EFCAB10: variants seen among roughly 807,000 people sequenced by gnomAD.
EFCAB10 encodes EF-hand calcium-binding domain-containing protein 10.
Under a neutral mutation model 7.7 loss-of-function variants are expected in EFCAB10, and 7 were observed. That is an observed-to-expected ratio of 0.91 (90% CI 0.52 to 1.72). The LOEUF is 1.72. EFCAB10 is among the 40% of genes most tolerant of loss of function. The pLI is 0.00. For synonymous variants in EFCAB10, 52 were observed against 21.0 expected, an observed-to-expected ratio of 2.47 and a Z score of -4.03; for missense variants, 112 against 61.5, an observed-to-expected ratio of 1.82 and a Z score of -2.74.
chr7:105,570,813 G>A (rs891527165), intron 1 of EFCAB10, among the ~76,000 whole-genome samples: 1 of 152,024 alleles, frequency 6.6e-6, no homozygotes, highest in Non-Finnish European at 1.5e-5. Context: ...TCATGAGGTC[G>A]GGAGATCGAG....
rs1461172495 is a variant in EFCAB10, at chr7:105,581,469, C to A, written c.-6G>T. The A allele has an allele frequency of 1.4e-6, 1 of 703,040 alleles. No individual in the cohort carries two copies. The highest frequency in any genetic ancestry group is 2.0e-5 in the Admixed American group (1 of 50,006). The allele number at this position is 703,040 out of a possible 1,614,324, so 43.6% of individuals were successfully genotyped here. ...TCCCTGCTGCTGGTCTCCATCGCTC[C>A]GCGTCCCGCTGTTGCTAGGCGACTG... On this transcript the variant is annotated 5_prime_UTR_variant, in exon 1 of 5. Coordinates refer to ENST00000480514, the MANE Select transcript of EFCAB10 (RefSeq NM_001355526.2).
intron 3 of EFCAB10, 108 bp from the exon 4 acceptor site, chr7:105,567,598 A>G: frequency 1.7e-6 from 1 of 575,464 alleles, no homozygotes; most frequent in Non-Finnish European, 3.1e-6. Flanking sequence ...AATTATAACC[A>G]ACTTTCAATT....
intron 4 of EFCAB10, chr7:105,567,123 A>G (rs750240250): frequency 6.4e-7 from 1 of 1,557,956 alleles, no homozygotes; most frequent in Non-Finnish European, 8.6e-7. Flanking sequence ...AAACAGTATA[A>G]AAGAAGCCTG....
Position 105,581,414 on chromosome 7 carries a change from T to C in EFCAB10, c.50A>G (p.His17Arg). ...ELQAAEYLEK[H>R]QIKEVVSYLT... ...GTAGCTAACCACCTCCTTGATCTGA[T>C]GCTTTTCCAAATACTCCGCGGCTTG... Residue 17 changes from histidine to arginine, a missense_variant, in exon 1 of 5, where the codon CAT becomes CGT. Transcript: ENST00000480514. 1.4e-6 allele frequency: 1 copy of C among 703,098 alleles called. No individual in the cohort carries two copies. The highest frequency in any genetic ancestry group is 2.6e-6 in the Non-Finnish European group (1 of 385,002). The allele number at this position is 703,098 out of a possible 1,614,324, so 43.6% of individuals were successfully genotyped here.
intron 1 of EFCAB10, among the ~76,000 whole-genome samples, chr7:105,581,045 C>T (rs2115594905): frequency 6.6e-6 from 1 of 152,264 alleles, no homozygotes. Flanking sequence ...CATGACGAAA[C>T]CCTGTCGCTA....
At chr7:105,575,113 C>G (rs775117544) in intron 1 of EFCAB10, among the ~76,000 whole-genome samples, 43 of 134,108 alleles carry the variant, frequency 3.2e-4, no homozygotes, top group Non-Finnish European at 1.1e-4. Flanking sequence ...GAAACTCTGT[C>G]TCAAAAAAAA....
chr7:105,565,659 C>A, intron 4 of EFCAB10: 2 of 1,494,594 alleles, frequency 1.3e-6, no homozygotes, highest in Non-Finnish European at 1.9e-6. Flanking sequence ...GTAAGCTCAA[C>A]ATTTAACAAT....
intron 1 of EFCAB10, among the ~76,000 whole-genome samples, chr7:105,570,031 T>G (rs1791895731): frequency 6.6e-6 from 1 of 150,660 alleles, no homozygotes; most frequent in South Asian, 2.1e-4. Flanking sequence ...GAGACCAGCC[T>G]GACCAACATG....
chr7:105,568,117 T>G (rs1035692815), intron 3 of EFCAB10, among the ~76,000 whole-genome samples: 12 of 152,226 alleles, frequency 7.9e-5, no homozygotes, highest in African/African-American at 2.2e-4. Context: ...GGGCAACCCT[T>G]TCTTTCTGGA....
chr7:105,569,898 G>A (rs1791892208), intron 1 of EFCAB10, among the ~76,000 whole-genome samples: 1 of 151,988 alleles, frequency 6.6e-6, no homozygotes, highest in Admixed American at 6.6e-5. Flanking sequence ...ATAATACAGG[G>A]AAGAAGTTGG....
At chr7:105,568,953 G>GAAAA (rs55730992) in intron 3 of EFCAB10, among the ~76,000 whole-genome samples, 4 of 121,776 alleles carry the variant, frequency 3.3e-5, no homozygotes, top group Admixed American at 8.7e-5. Context: ...CCATCTCAGG[G>GAAAA]AAAAAAAAAA....
chr7:105,567,301 C>G, intron 4 of EFCAB10, 166 bp downstream of exon 4: 1 of 1,592,006 alleles, frequency 6.3e-7, no homozygotes, highest in Non-Finnish European at 8.5e-7. Flanking sequence ...TGGCCTAATA[C>G]TGGAAAATAA....
At chr7:105,572,027 A>G (rs940883178) in intron 1 of EFCAB10, 4 of 152,202 alleles carry the variant, frequency 2.6e-5, no homozygotes, top group Non-Finnish European at 4.4e-5. Context: ...CCATTTTTCC[A>G]TGAACTTTTT....
intron 1 of EFCAB10, among the ~76,000 whole-genome samples, chr7:105,577,052 T>TA (rs113658971): frequency 0.23 from 33,021 of 144,562 alleles, 3,726 homozygotes; most frequent in South Asian, 0.3. Context: ...AACTCCGTCT[T>TA]AAAAAAAAAA....
intron 4 of EFCAB10, among the ~76,000 whole-genome samples, chr7:105,566,163 A>T (rs1214881688): frequency 2.0e-5 from 3 of 151,236 alleles, no homozygotes; most frequent in Non-Finnish European, 4.4e-5. Flanking sequence ...CTGTAGTCCC[A>T]CCTGCTTGGG....
intron 1 of EFCAB10, among the ~76,000 whole-genome samples, chr7:105,579,149 C>T (rs1003192995): frequency 3.3e-5 from 5 of 152,166 alleles, no homozygotes; most frequent in Non-Finnish European, 4.4e-5. Context: ...CCTCAAAGCA[C>T]GCTCTCTCAG....
intron 4 of EFCAB10, chr7:105,565,661 T>C (rs1791693978): frequency 1.3e-6 from 2 of 1,489,786 alleles, no homozygotes; most frequent in Non-Finnish European, 1.9e-6. Context: ...AAGCTCAACA[T>C]TTAACAATTA....
chr7:105,568,536 T>C (rs1211029707), intron 3 of EFCAB10, among the ~76,000 whole-genome samples: 1 of 152,208 alleles, frequency 6.6e-6, no homozygotes, highest in African/African-American at 2.4e-5. Flanking sequence ...TTAGTATGTA[T>C]TTTATAGAGA....
intron 1 of EFCAB10, among the ~76,000 whole-genome samples, chr7:105,570,130 C>G (rs1340184596): frequency 1.4e-5 from 2 of 141,382 alleles, no homozygotes; most frequent in African/African-American, 5.3e-5. Context: ...AGGAGAATCG[C>G]TTGAACCCGG....
Sources: gnomAD v4.1 joint callset for allele counts (sites outside exome capture counted in the v4.1 genomes callset) on GRCh38, gnomAD v4.1.1 for gene constraint, MANE v1.5 for transcripts, NCBI Gene and HGNC (gene_info 2026-07-23, HGNC 2026-07-21) for gene names.